The following POFUT3 variants were observed in gnomAD, a reference collection of about 807,000 sequenced individuals.
POFUT3 encodes the protein protein O-fucosyltransferase 3, also known as GDP-fucose protein O-fucosyltransferase 3.
chr8:33,444,724 A>C, the POFUT3 span, among the ~76,000 whole-genome samples: 1 of 152,092 alleles, frequency 6.6e-6, no homozygotes, highest in Non-Finnish European at 1.5e-5. Flanking sequence ...AAGTTGAGGA[A>C]GGAGAATCAC....
At chr8:33,328,362 C>CCAAAAA in the POFUT3 span, among the ~76,000 whole-genome samples, 1 of 148,742 alleles carries the variant, frequency 6.7e-6, no homozygotes, top group African/African-American at 2.5e-5. Context: ...TTTCTGTAAG[C>CCAAAAA]CAAAAACAAA....
chr8:33,332,070 G>A, the POFUT3 span, among the ~76,000 whole-genome samples: 1 of 151,510 alleles, frequency 6.6e-6, no homozygotes, highest in South Asian at 2.1e-4. Flanking sequence ...GTGGGCCCAG[G>A]AGATAGAGGC....
chr8:33,436,569 G>T, the POFUT3 span: 1 of 903,958 alleles, frequency 1.1e-6, no homozygotes, highest in Non-Finnish European at 1.8e-6. Context: ...CTGCAGTTCT[G>T]TCTTCTATGT....
At chr8:33,362,896 G>A in the POFUT3 span, among the ~76,000 whole-genome samples, 1 of 152,242 alleles carries the variant, frequency 6.6e-6, no homozygotes, top group East Asian at 1.9e-4. Flanking sequence ...TCCAGGACTT[G>A]AATTCAGCTC....
the POFUT3 span, among the ~76,000 whole-genome samples, chr8:33,413,886 A>C: frequency 6.6e-6 from 1 of 152,182 alleles, no homozygotes; most frequent in Non-Finnish European, 1.5e-5. Context: ...ATTTTGACTT[A>C]TTATCTGTAA....
At chr8:33,464,750 G>T in the POFUT3 span, among the ~76,000 whole-genome samples, 1 of 152,122 alleles carries the variant, frequency 6.6e-6, no homozygotes, top group Non-Finnish European at 1.5e-5. Flanking sequence ...ACTGCACTTA[G>T]CTTGGGTGAC....
the POFUT3 span, among the ~76,000 whole-genome samples, chr8:33,374,873 C>A: frequency 6.8e-6 from 1 of 147,706 alleles, no homozygotes; most frequent in Non-Finnish European, 1.5e-5. Context: ...TTTTTCTTTT[C>A]TTTTCTTTTT....
chr8:33,391,723 A>C, the POFUT3 span, among the ~76,000 whole-genome samples: 1 of 152,216 alleles, frequency 6.6e-6, no homozygotes, highest in Non-Finnish European at 1.5e-5. Flanking sequence ...ACTAGAGTCC[A>C]GTCCACAGGA....
chr8:33,389,679 A>G, the POFUT3 span: 1 of 1,614,150 alleles, frequency 6.2e-7, no homozygotes, highest in Non-Finnish European at 8.5e-7. Context: ...TAGTTGAACA[A>G]GGTGATCACT....
At chr8:33,340,827 A>T in the POFUT3 span, among the ~76,000 whole-genome samples, 1 of 152,344 alleles carries the variant, frequency 6.6e-6, no homozygotes, top group East Asian at 1.9e-4. Context: ...GAAATAGACA[A>T]ATATACAATT....
the POFUT3 span, among the ~76,000 whole-genome samples, chr8:33,318,666 A>G: frequency 1.5e-5 from 1 of 66,070 alleles, no homozygotes; most frequent in African/African-American, 5.9e-5. Context: ...TATATAATAT[A>G]TAAATATATT....
At chr8:33,320,506 A>C in the POFUT3 span, among the ~76,000 whole-genome samples, 1 of 152,060 alleles carries the variant, frequency 6.6e-6, no homozygotes, top group Non-Finnish European at 1.5e-5. Flanking sequence ...GCAGCACAAT[A>C]AACTACTCCA....
At chr8:33,449,886 CTTCAAA>C in the POFUT3 span, among the ~76,000 whole-genome samples, 3 of 151,136 alleles carry the variant, frequency 2.0e-5, no homozygotes, top group Non-Finnish European at 4.4e-5. Context: ...TCAAGGCCCA[CTTCAAA>C]TTCAAATTTC....
the POFUT3 span, among the ~76,000 whole-genome samples, chr8:33,340,401 T>C: frequency 6.6e-6 from 1 of 150,834 alleles, no homozygotes; most frequent in Non-Finnish European, 1.5e-5. Context: ...TATATACATG[T>C]GTGTGTGTGT....
chr8:33,318,360 C>A, the POFUT3 span, among the ~76,000 whole-genome samples: 1 of 149,514 alleles, frequency 6.7e-6, no homozygotes, highest in Admixed American at 6.9e-5. Context: ...CAATGTCTAG[C>A]ACATTCCCTT....
chr8:33,384,946 TGACAGTGGGCACAGCA>T, the POFUT3 span, among the ~76,000 whole-genome samples: 1 of 151,960 alleles, frequency 6.6e-6, no homozygotes, highest in Non-Finnish European at 1.5e-5. Context: ...GACAACAATG[TGACAGTGGGCACAGCA>T]GTCACTGGTT....
At chr8:33,403,325 C>A in the POFUT3 span, among the ~76,000 whole-genome samples, 1 of 151,284 alleles carries the variant, frequency 6.6e-6, no homozygotes, top group African/African-American at 2.4e-5. Context: ...GTGTATGGGA[C>A]TGAGTAAGAA....
chr8:33,421,966 G>T, the POFUT3 span, among the ~76,000 whole-genome samples: 2 of 149,460 alleles, frequency 1.3e-5, no homozygotes, highest in Non-Finnish European at 1.5e-5. Flanking sequence ...AACTTTTTAG[G>T]CCAACTTCCC....
the POFUT3 span, among the ~76,000 whole-genome samples, chr8:33,369,467 A>T: frequency 1.3e-5 from 2 of 152,232 alleles, no homozygotes; most frequent in Non-Finnish European, 2.9e-5. Context: ...TTTCCTAAAG[A>T]AAATTTCCAT....
Sources: allele counts gnomAD v4.1 joint callset (sites outside exome capture counted in the v4.1 genomes callset), GRCh38; gene constraint gnomAD v4.1.1; transcripts MANE v1.5; gene names NCBI Gene and HGNC (gene_info 2026-07-23, HGNC 2026-07-21).